The following RALGAPA1 variants were observed in gnomAD, a reference collection of about 807,000 sequenced individuals.
RALGAPA1 encodes the protein ral GTPase-activating protein subunit alpha-1.
Under a neutral mutation model 269.6 loss-of-function variants are expected in RALGAPA1, and 52 were observed. The observed-to-expected ratio is 0.19, with a 90% CI of 0.15 to 0.24. The LOEUF (loss-of-function observed/expected upper bound fraction) is 0.24. RALGAPA1 is among the 10% of genes least tolerant of loss of function. The pLI is 1.00. For missense variants in RALGAPA1, 1,917 were observed against 3,013.9 expected (o/e 0.64, Z 8.52); for synonymous variants, 817 against 1,008.3 (o/e 0.81, Z 3.60).
intron 12 of RALGAPA1, among the ~76,000 whole-genome samples, chr14:35,732,545 G>A (rs1274839040): frequency 6.6e-6 from 1 of 152,154 alleles, no homozygotes; most frequent in Non-Finnish European, 1.5e-5. Flanking sequence ...CATAAGTAAA[G>A]GGGTGGAAAA....
At chr14:35,731,365 T>C (rs1595356410) in intron 12 of RALGAPA1, among the ~76,000 whole-genome samples, 3 of 151,830 alleles carry the variant, frequency 2.0e-5, no homozygotes, top group Admixed American at 6.6e-5. Context: ...TCACGAGCAA[T>C]GGATCCAAAC....
intron 35 of RALGAPA1, among the ~76,000 whole-genome samples, chr14:35,619,491 C>G (rs1006352024): frequency 1.3e-5 from 2 of 152,086 alleles, no homozygotes; most frequent in Non-Finnish European, 2.9e-5. Context: ...CAAGAAATAA[C>G]TAAGATCAGA....
chr14:35,573,132 C>T (rs2139485780), intron 37 of RALGAPA1, among the ~76,000 whole-genome samples: 1 of 152,228 alleles, frequency 6.6e-6, no homozygotes, highest in African/African-American at 2.4e-5. Flanking sequence ...TTTCTTTGCC[C>T]ATGAAACTCA....
intron 3 of RALGAPA1, among the ~76,000 whole-genome samples, chr14:35,771,863 T>C (rs2074656038): frequency 6.6e-6 from 1 of 152,178 alleles, no homozygotes; most frequent in South Asian, 2.1e-4. Context: ...ATTGTGGATA[T>C]CACTGATGAG....
intron 37 of RALGAPA1, among the ~76,000 whole-genome samples, chr14:35,579,606 CA>C (rs11397749): frequency 1.3e-4 from 17 of 133,158 alleles, no homozygotes; most frequent in Admixed American, 1.5e-4. Context: ...GACTCCGTCT[CA>C]AAAAAAAAAA....
intron 1 of RALGAPA1, 125 bp from the exon 2 acceptor site, chr14:35,775,870 T>G (rs899520428): frequency 1.0e-6 from 1 of 968,510 alleles, no homozygotes; most frequent in Admixed American, 4.2e-5. Flanking sequence ...ATTAAAATAT[T>G]TACAATATAT....
At chr14:35,600,230 TTC>T (rs1291160171) in intron 36 of RALGAPA1, among the ~76,000 whole-genome samples, 4 of 133,044 alleles carry the variant, frequency 3.0e-5, no homozygotes, top group African/African-American at 1.3e-4. Context: ...TTTTCTTTTT[TTC>T]TTTTTTTTTT....
At chr14:35,787,447 C>T (rs1047384603) in intron 1 of RALGAPA1, among the ~76,000 whole-genome samples, 6 of 152,182 alleles carry the variant, frequency 3.9e-5, no homozygotes, top group Non-Finnish European at 8.8e-5. Context: ...AACACAAACA[C>T]ACCTCTTATC....
In RALGAPA1 at chr14:35,689,603, A is replaced by C; in HGVS notation, c.2808T>G (p.Asp936Glu). 1 of 1,241,452 alleles carries C rather than the reference A, an allele frequency of 8.1e-7. No individual in the cohort carries two copies. Among genetic ancestry groups the C allele is most frequent in the Non-Finnish European group, 1.0e-6 (1 of 994,182 alleles). 76.9% of individuals were successfully genotyped at this position (1,241,452 alleles called of 1,614,324 possible). A position where few individuals can be genotyped will look rare whatever the true frequency, so the allele number is the denominator to read the frequency against. Residue 936 changes from aspartate (D) to glutamate (E), a missense_variant, in exon 18 of 42, where the codon GAT becomes GAG. Asp to Glu is a conservative substitution (Grantham distance 45). Around this residue, in one of 11 missense-constraint regions of RALGAPA1, gnomAD observed 615 missense variants for 790.0 expected, o/e 0.78. Transcript: ENST00000680220. ...CTTTCAGGGTGGAAAGAAGATCATC[A>C]TCTCCTTCAAGGTCAATGTACTGGA... is the stretch of plus-strand genomic sequence containing the variant. Reference protein sequence around the residue: ...EQIQYIDLEGDDDLLSTLKEY... With the variant: ...EQIQYIDLEGEDDLLSTLKEY...
At chr14:35,695,899 A>G (rs186149303) in intron 17 of RALGAPA1, among the ~76,000 whole-genome samples, 230 of 152,350 alleles carry the variant, frequency 1.5e-3, no homozygotes, top group Non-Finnish European at 2.2e-3. Context: ...ATAAGTAATT[A>G]TCAAAGGCCA....
chr14:35,573,073 G>A, intron 37 of RALGAPA1, among the ~76,000 whole-genome samples: 1 of 152,264 alleles, frequency 6.6e-6, no homozygotes, highest in East Asian at 1.9e-4. Context: ...ATCCCCAGTT[G>A]AGTAAGAGAA....
At chr14:35,676,863 G>A (rs2064996873) in intron 22 of RALGAPA1, 1 of 152,212 alleles carries the variant, frequency 6.6e-6, no homozygotes, top group South Asian at 2.1e-4. Context: ...TATATAAAGG[G>A]TTTATGTGCA....
chr14:35,727,347 A>ATATATG (rs59640063), intron 13 of RALGAPA1, among the ~76,000 whole-genome samples: 1 of 129,306 alleles, frequency 7.7e-6, no homozygotes, highest in Non-Finnish European at 1.6e-5. Flanking sequence ...ATATATATAT[A>ATATATG]GTATAATACT....
intron 35 of RALGAPA1, among the ~76,000 whole-genome samples, chr14:35,622,006 G>A (rs1277841684): frequency 1.7e-4 from 26 of 152,178 alleles, no homozygotes; most frequent in Non-Finnish European, 8.8e-5. Flanking sequence ...CAGCAATACC[G>A]TTACTGGGTA....
intron 17 of RALGAPA1, 63 bp from the exon 18 acceptor site, chr14:35,690,066 T>G: frequency 8.3e-7 from 1 of 1,198,352 alleles, no homozygotes; most frequent in South Asian, 1.5e-5. Context: ...AATTATTAAT[T>G]TCAATAATGC....
intron 1 of RALGAPA1, among the ~76,000 whole-genome samples, chr14:35,789,591 C>CA (rs201920021): frequency 4.6e-4 from 68 of 147,946 alleles, no homozygotes; most frequent in African/African-American, 1.2e-3. Flanking sequence ...GACCCTGTCT[C>CA]AAAAAAAAAA....
At chr14:35,618,948 A>T (rs1426783317) in intron 35 of RALGAPA1, among the ~76,000 whole-genome samples, 1 of 152,008 alleles carries the variant, frequency 6.6e-6, no homozygotes, top group Non-Finnish European at 1.5e-5. Context: ...CTTTTTCTAC[A>T]TGAGAGTTTT....
At chr14:35,681,198 T>G (rs968332555) in intron 21 of RALGAPA1, among the ~76,000 whole-genome samples, 7 of 152,234 alleles carry the variant, frequency 4.6e-5, no homozygotes, top group Admixed American at 4.6e-4. Context: ...TGGAAAATAC[T>G]GTACTGAATC....
intron 35 of RALGAPA1, among the ~76,000 whole-genome samples, chr14:35,620,064 C>T (rs1469982476): frequency 4.6e-5 from 7 of 151,856 alleles, no homozygotes; most frequent in Non-Finnish European, 2.9e-5. Context: ...GCAGACACAA[C>T]AAAAAAAGAG....
Sources: gnomAD v4.1 joint callset for allele counts (sites outside exome capture counted in the v4.1 genomes callset) on GRCh38, gnomAD v4.1.1 for gene constraint, gnomAD v4.1.1 regional missense constraint, MANE v1.5 for transcripts, NCBI Gene and HGNC (gene_info 2026-07-23, HGNC 2026-07-21) for gene names.